The following ERBB4 variants were observed in gnomAD, a reference collection of about 807,000 sequenced individuals.
ERBB4 encodes receptor tyrosine-protein kinase erbB-4.
In ERBB4, 42 loss-of-function variants were observed where a neutral mutation model predicts 158.0. The observed-to-expected ratio is 0.27, with a 90% CI of 0.21 to 0.34. The LOEUF is 0.34. ERBB4 is among the 10% of genes least tolerant of loss of function. The probability of loss-of-function intolerance (pLI) is 1.00; values close to 1 mark genes in which losing one functional copy is unlikely to be tolerated. For synonymous variants in ERBB4, 583 were observed against 558.7 expected (o/e 1.04, Z -0.61); for missense variants, 1,333 against 1,624.1 (o/e 0.82, Z 3.08).
intron 2 of ERBB4, among the ~76,000 whole-genome samples, chr2:212,092,438 A>G (rs2078806828): frequency 6.6e-6 from 1 of 152,192 alleles, no homozygotes; most frequent in Admixed American, 6.5e-5. Flanking sequence ...AATCAAGTTC[A>G]TATCAAGAAA....
At chr2:212,086,153 T>G (rs565154279) in intron 2 of ERBB4, among the ~76,000 whole-genome samples, 46 of 151,924 alleles carry the variant, frequency 3.0e-4, no homozygotes, top group Non-Finnish European at 5.2e-4. Context: ...TAGTTTTACT[T>G]TGGGTATCTT....
At chr2:211,547,474 C>G (rs901298213) in intron 20 of ERBB4, among the ~76,000 whole-genome samples, 1 of 152,042 alleles carries the variant, frequency 6.6e-6, no homozygotes, top group Admixed American at 6.6e-5. Context: ...AAATCGCATG[C>G]ACACACCTGA....
At chr2:211,802,262 CA>C (rs55912021) in intron 3 of ERBB4, among the ~76,000 whole-genome samples, 66,432 of 143,664 alleles carry the variant, frequency 0.46, 16,676 homozygotes, top group African/African-American at 0.69. Flanking sequence ...CAGTCTCCAA[CA>C]AAAAAAAAAA....
intron 1 of ERBB4, among the ~76,000 whole-genome samples, chr2:212,144,520 T>C (rs2080598215): frequency 6.6e-6 from 1 of 152,244 alleles, no homozygotes; most frequent in Non-Finnish European, 1.5e-5. Flanking sequence ...ACAAAATTAA[T>C]ATCCACCATT....
At chr2:211,403,611 A>C (rs1299659430) in intron 25 of ERBB4, among the ~76,000 whole-genome samples, 1 of 152,100 alleles carries the variant, frequency 6.6e-6, no homozygotes, top group Non-Finnish European at 1.5e-5. Flanking sequence ...TTTAACTACC[A>C]TATAGCTGCT....
chr2:211,559,416 A>G (rs1229797376), intron 20 of ERBB4, among the ~76,000 whole-genome samples: 1 of 152,212 alleles, frequency 6.6e-6, no homozygotes, highest in Non-Finnish European at 1.5e-5. Flanking sequence ...TATACTGGGT[A>G]ACCATATAAT....
chr2:212,100,110 T>G (rs1001671522), intron 2 of ERBB4, among the ~76,000 whole-genome samples: 1 of 152,204 alleles, frequency 6.6e-6, no homozygotes, highest in African/African-American at 2.4e-5. Context: ...TTAAAACTTT[T>G]TTTTGTTGTT....
intron 16 of ERBB4, among the ~76,000 whole-genome samples, chr2:211,639,564 C>T (rs767976204): frequency 9.2e-5 from 14 of 152,298 alleles, no homozygotes; most frequent in Non-Finnish European, 8.8e-5. Flanking sequence ...TCATTCTATG[C>T]ACTATAATTT....
intron 1 of ERBB4, among the ~76,000 whole-genome samples, chr2:212,333,591 A>C (rs953232150): frequency 2.6e-5 from 4 of 151,514 alleles, no homozygotes; most frequent in Admixed American, 6.6e-5. Context: ...CTACTGGAGA[A>C]TCTGAGGTGG....
At chr2:212,140,523 GTT>G (rs763019993) in intron 1 of ERBB4, among the ~76,000 whole-genome samples, 4,217 of 121,674 alleles carry the variant, frequency 0.035, 142 homozygotes, top group African/African-American at 0.13. Context: ...TTTTAAAAAT[GTT>G]TTTTTTTTAA....
chr2:212,188,408 C>T (rs1258164097), intron 1 of ERBB4, among the ~76,000 whole-genome samples: 2 of 151,472 alleles, frequency 1.3e-5, no homozygotes, highest in African/African-American at 4.8e-5. Context: ...ACCTCCCTCT[C>T]CCACCCGACC....
chr2:211,888,998 G>A (rs1402990021), intron 3 of ERBB4, among the ~76,000 whole-genome samples: 1 of 147,702 alleles, frequency 6.8e-6, no homozygotes, highest in Admixed American at 6.6e-5. Context: ...GCCCAGGCTT[G>A]CTTAGGTAAA....
At chr2:211,784,031 G>A (rs1173601983) in intron 4 of ERBB4, among the ~76,000 whole-genome samples, 1 of 152,040 alleles carries the variant, frequency 6.6e-6, no homozygotes, top group African/African-American at 2.4e-5. Flanking sequence ...ATTAATTATT[G>A]CCTCAATTTC....
At position 211,433,320 on chromosome 2, in the gene ERBB4, G is replaced by A. The variant is rs149735475; in HGVS notation, c.2488-2220C>T. ...AGTGAGGCCGGGCGCGGTGGCTCAC[G>A]CCTGTAATACTGGCACTTTGGGAGG... is the stretch of plus-strand genomic sequence containing the variant. On this transcript the variant is annotated intron_variant, in intron 20 of 27. Transcript: ENST00000342788. Among the ~76,000 whole-genome samples the A allele has an allele frequency of 2.0e-4, 30 of 152,246 alleles. No homozygotes were observed. The East Asian group carries it at 3.7e-3, about 19-fold the overall frequency.
intron 16 of ERBB4, among the ~76,000 whole-genome samples, chr2:211,654,174 A>G (rs1291090484): frequency 6.6e-6 from 1 of 152,200 alleles, no homozygotes; most frequent in Non-Finnish European, 1.5e-5. Context: ...AAAAGCAGAC[A>G]CTTGTTACTT....
chr2:211,471,479 A>C (rs2064825685), intron 20 of ERBB4, among the ~76,000 whole-genome samples: 2 of 152,178 alleles, frequency 1.3e-5, no homozygotes, highest in Non-Finnish European at 2.9e-5. Context: ...ATTTACATTC[A>C]ATATATGTGC....
chr2:212,192,005 A>ATG (rs1385898129), intron 1 of ERBB4, among the ~76,000 whole-genome samples: 5 of 97,664 alleles, frequency 5.1e-5, no homozygotes, highest in African/African-American at 2.3e-4. Flanking sequence ...TATGTTATAT[A>ATG]TAATATATGT....
intron 20 of ERBB4, among the ~76,000 whole-genome samples, chr2:211,436,291 T>G (rs533586706): frequency 6.6e-6 from 1 of 152,112 alleles, no homozygotes; most frequent in Non-Finnish European, 1.5e-5. Context: ...GAATTTGAAT[T>G]GTGCAAACTA....
At chr2:211,634,352 T>C (rs764980702) in intron 16 of ERBB4, among the ~76,000 whole-genome samples, 2 of 152,212 alleles carry the variant, frequency 1.3e-5, no homozygotes, top group Non-Finnish European at 2.9e-5. Context: ...TTGATATGTC[T>C]GAGACATTTG....
Sources: gnomAD v4.1 joint callset for allele counts (sites outside exome capture counted in the v4.1 genomes callset) on GRCh38, gnomAD v4.1.1 for gene constraint, MANE v1.5 for transcripts, NCBI Gene and HGNC (gene_info 2026-07-23, HGNC 2026-07-21) for gene names.